HIVEP3: variants seen among roughly 807,000 people sequenced by gnomAD.
The protein encoded by HIVEP3 is transcription factor HIVEP3.
HIVEP3 carries 49 observed loss-of-function variants against 152.8 expected under a neutral mutation model. The observed-to-expected ratio is 0.32, with a 90% CI of 0.26 to 0.41. The LOEUF is 0.41. HIVEP3 is among the 10% of genes least tolerant of loss of function. The pLI, the probability that HIVEP3 is intolerant of heterozygous loss-of-function variation, is 1.00. For missense variants in HIVEP3, 2,790 were observed against 3,103.3 expected, an observed-to-expected ratio of 0.90 and a Z score of 2.40; for synonymous variants, 1,269 against 1,289.0, an observed-to-expected ratio of 0.98 and a Z score of 0.33.
intron 1 of HIVEP3, among the ~76,000 whole-genome samples, chr1:41,924,293 A>G (rs1428176332): frequency 6.6e-6 from 1 of 152,116 alleles, no homozygotes; most frequent in East Asian, 1.9e-4. Context: ...CAATACCTTG[A>G]TTTTGGATTT....
At chr1:41,532,667 G>C (rs939427483) in intron 5 of HIVEP3, among the ~76,000 whole-genome samples, 1 of 152,116 alleles carries the variant, frequency 6.6e-6, no homozygotes, top group Non-Finnish European at 1.5e-5. Flanking sequence ...GGGTCAGAAC[G>C]AAGGAGAAAC....
chr1:41,984,876 A>G (rs1645312980), intron 1 of HIVEP3, among the ~76,000 whole-genome samples: 1 of 152,234 alleles, frequency 6.6e-6, no homozygotes, highest in Admixed American at 6.5e-5. Context: ...CTAGGGGCAT[A>G]TAATCTTATA....
chr1:41,901,041 G>A (rs937032969), intron 1 of HIVEP3, among the ~76,000 whole-genome samples: 3 of 152,082 alleles, frequency 2.0e-5, no homozygotes, highest in African/African-American at 7.2e-5. Context: ...GGGAGTGGAC[G>A]TCAGGATGGA....
intron 1 of HIVEP3, among the ~76,000 whole-genome samples, chr1:41,910,615 CA>C (rs1644781065): frequency 6.6e-6 from 1 of 151,516 alleles, no homozygotes; most frequent in Admixed American, 6.6e-5. Flanking sequence ...ATTTTATTAG[CA>C]AAAAAACCTA....
chr1:41,746,865 C>T (rs1409229335), intron 1 of HIVEP3, among the ~76,000 whole-genome samples: 2 of 152,120 alleles, frequency 1.3e-5, no homozygotes, highest in Admixed American at 6.5e-5. Context: ...CCTCAGGTAA[C>T]GGCTGCTGGG....
intron 1 of HIVEP3, among the ~76,000 whole-genome samples, chr1:41,896,221 A>C (rs58347455): frequency 6.6e-6 from 1 of 152,160 alleles, no homozygotes; most frequent in Admixed American, 6.5e-5. Flanking sequence ...AACAATGTCT[A>C]CCACAAAGTA....
chr1:41,557,667 C>G (rs1163198229), intron 5 of HIVEP3, among the ~76,000 whole-genome samples: 1 of 151,652 alleles, frequency 6.6e-6, no homozygotes, highest in African/African-American at 2.4e-5. Context: ...AGCCTCGTCT[C>G]TCTCCAGGGG....
At chr1:41,522,538 G>C (rs1382767869) in intron 6 of HIVEP3, among the ~76,000 whole-genome samples, 1 of 152,108 alleles carries the variant, frequency 6.6e-6, no homozygotes, top group Non-Finnish European at 1.5e-5. Flanking sequence ...GCCTTACCTC[G>C]GGGGATGCTC....
intron 1 of HIVEP3, among the ~76,000 whole-genome samples, chr1:41,886,739 G>C (rs1367606899): frequency 9.3e-6 from 1 of 107,528 alleles, no homozygotes; most frequent in Non-Finnish European, 2.0e-5. Context: ...AAAAAAAAAA[G>C]AAGGAAAAGA....
Position 41,510,993 on chromosome 1 carries a change from C to G in HIVEP3, c.6679G>C (p.Gly2227Arg). 1 of 1,613,508 alleles carries G rather than the reference C, an allele frequency of 6.2e-7. No individual in the cohort carries two copies. Among genetic ancestry groups the G allele is most frequent in the South Asian group, 1.1e-5 (1 of 91,044 alleles). Reference protein sequence around the residue: ...PTAAWVSGFSGGGSDLTGARE... With the variant: ...PTAAWVSGFSRGGSDLTGARE... Reference sequence around the variant, plus strand: ...GCCCCTGTCAGGTCGCTGCCACCCCCGGAGAAGCCACTGACCCAGGCTGCG... The same window carrying G: ...GCCCCTGTCAGGTCGCTGCCACCCCGGGAGAAGCCACTGACCCAGGCTGCG... The change falls in exon 9 of 9, where the codon GGG (glycine) becomes CGG (arginine). Residue 2227 changes from glycine to arginine, a missense_variant. Physicochemically the swap from Gly to Arg is moderately radical, Grantham distance 125. Coordinates refer to ENST00000372583, the MANE Select transcript of HIVEP3 (RefSeq NM_024503.5).
intron 1 of HIVEP3, among the ~76,000 whole-genome samples, chr1:41,871,943 T>C (rs1433087723): frequency 6.6e-6 from 1 of 152,214 alleles, no homozygotes; most frequent in Non-Finnish European, 1.5e-5. Flanking sequence ...ATGTTAGTTT[T>C]CCTTATAAAA....
At chr1:41,816,448 A>G (rs1270804415) in intron 1 of HIVEP3, among the ~76,000 whole-genome samples, 2 of 152,142 alleles carry the variant, frequency 1.3e-5, no homozygotes, top group Non-Finnish European at 2.9e-5. Flanking sequence ...GCACTTTGGG[A>G]GGTCGAGGTG....
intron 1 of HIVEP3, among the ~76,000 whole-genome samples, chr1:42,025,716 T>C (rs1428017072): frequency 6.6e-6 from 1 of 152,196 alleles, no homozygotes; most frequent in African/African-American, 2.4e-5. Context: ...GGAACTACCT[T>C]AAACGAAGTT....
At chr1:41,823,592 G>A (rs1642670352) in intron 1 of HIVEP3, among the ~76,000 whole-genome samples, 1 of 151,682 alleles carries the variant, frequency 6.6e-6, no homozygotes, top group Non-Finnish European at 1.5e-5. Flanking sequence ...GTTTGCTCCT[G>A]GCTCTGCCCT....
At chr1:41,674,069 G>A (rs1031524441) in intron 2 of HIVEP3, among the ~76,000 whole-genome samples, 4 of 152,344 alleles carry the variant, frequency 2.6e-5, no homozygotes, top group African/African-American at 4.8e-5. Flanking sequence ...GGCTGGGGCC[G>A]ACCTCCCCAG....
At chr1:41,839,466 C>T (rs1388226432) in intron 1 of HIVEP3, among the ~76,000 whole-genome samples, 4 of 152,236 alleles carry the variant, frequency 2.6e-5, no homozygotes, top group Admixed American at 2.6e-4. Context: ...TCAGCTCAAG[C>T]ATCACTTCCT....
intron 1 of HIVEP3, among the ~76,000 whole-genome samples, chr1:41,828,113 C>G (rs116608198): frequency 6.6e-6 from 1 of 152,180 alleles, no homozygotes; most frequent in Non-Finnish European, 1.5e-5. Flanking sequence ...GGGATGATGC[C>G]GGGCTTCCCC....
At chr1:41,751,002 C>T (rs553258334) in intron 1 of HIVEP3, among the ~76,000 whole-genome samples, 102 of 150,914 alleles carry the variant, frequency 6.8e-4, no homozygotes, top group African/African-American at 2.1e-3. Context: ...GTGTGAGACA[C>T]CGCACCGCAC....
At chr1:41,698,805 C>T (rs1182416621) in intron 2 of HIVEP3, among the ~76,000 whole-genome samples, 1 of 152,206 alleles carries the variant, frequency 6.6e-6, no homozygotes, top group African/African-American at 2.4e-5. Context: ...AGCTCCCTCT[C>T]TCCTGGTCTT....
Sources: allele counts gnomAD v4.1 joint callset (sites outside exome capture counted in the v4.1 genomes callset), GRCh38; gene constraint gnomAD v4.1.1; transcripts MANE v1.5; gene names NCBI Gene and HGNC (gene_info 2026-07-23, HGNC 2026-07-21).